ADCY1: variants seen among roughly 807,000 people sequenced by gnomAD.
ADCY1 encodes the protein adenylate cyclase 1.
ADCY1 carries 28 observed loss-of-function variants against 105.4 expected under a neutral mutation model. The observed-to-expected ratio is 0.27, with a 90% CI of 0.20 to 0.36. ADCY1 has a LOEUF of 0.36. Among genes scored for constraint, ADCY1 ranks in the 10% least tolerant of loss-of-function variants. The probability of loss-of-function intolerance (pLI) is 1.00; values close to 1 mark genes in which losing one functional copy is unlikely to be tolerated. For synonymous variants in ADCY1, 655 were observed against 623.8 expected, an observed-to-expected ratio of 1.05 and a Z score of -0.75; for missense variants, 977 against 1,434.2, an observed-to-expected ratio of 0.68 and a Z score of 5.15.
intron 11 of ADCY1, among the ~76,000 whole-genome samples, chr7:45,682,050 G>C (rs903021260): frequency 6.6e-6 from 1 of 152,182 alleles, no homozygotes; most frequent in Admixed American, 6.5e-5. Flanking sequence ...TGGGCCTCAG[G>C]GTTGCCCTCT....
At chr7:45,698,757 C>T (rs779672648) in intron 14 of ADCY1, among the ~76,000 whole-genome samples, 37 of 152,158 alleles carry the variant, frequency 2.4e-4, no homozygotes, top group Admixed American at 7.2e-4. Flanking sequence ...CTGAAGTGGC[C>T]GTGCAAAGCT....
intron 14 of ADCY1, among the ~76,000 whole-genome samples, chr7:45,691,883 CAT>C (rs1171226702): frequency 1.3e-5 from 2 of 152,312 alleles, no homozygotes; most frequent in African/African-American, 4.8e-5. Context: ...CTTCTCCACA[CAT>C]GTGACAGTGA....
In ADCY1 at chr7:45,722,109, A is replaced by C. The variant is rs1785486832; in HGVS notation, c.*8114A>C. ...AACCCCCCACCCAACTCTGGGCCCC[A>C]GGCACACGAAGCACAAGTCTCAGGG... On this transcript the variant is annotated 3_prime_UTR_variant, in exon 20 of 20. Coordinates refer to ENST00000297323, the MANE Select transcript of ADCY1 (RefSeq NM_021116.4). 3.1e-6 allele frequency: 1 copy of C among 326,220 alleles called. No individual in the cohort carries two copies. Among genetic ancestry groups the C allele is most frequent in the Non-Finnish European group, 5.6e-6 (1 of 179,932 alleles). 20.2% of individuals were successfully genotyped at this position (326,220 alleles called of 1,614,324 possible). A position where few individuals can be genotyped will look rare whatever the true frequency, so the allele number is the denominator to read the frequency against.
At position 45,661,495 on chromosome 7, in the gene ADCY1, C is replaced by G. The variant is rs529620137; in HGVS notation, c.1450-564C>G. Among the ~76,000 whole-genome samples the G allele has an allele frequency of 7.2e-5, 11 of 152,164 alleles. 1 individual carries two copies. The highest frequency in any genetic ancestry group is 2.2e-4 in the African/African-American group (9 of 41,498). On this transcript the variant is annotated intron_variant, in intron 7 of 19. Coordinates refer to ENST00000297323, the MANE Select transcript of ADCY1 (RefSeq NM_021116.4). ...GCAGGAACGATGACAGTGGAGCATT[C>G]ATGGGGTCCCACTTTCCTATCACCT...
chr7:45,705,194 G>C (rs1243349006), intron 17 of ADCY1, among the ~76,000 whole-genome samples: 2 of 152,110 alleles, frequency 1.3e-5, no homozygotes, highest in Admixed American at 6.5e-5. Flanking sequence ...GAAGACAGAA[G>C]CAGAAGGAAC....
In ADCY1 at chr7:45,703,424, C is replaced by T. The variant is rs1785039539; in HGVS notation, c.2503C>T (p.Arg835Cys). 3 of 1,614,020 alleles carry T rather than the reference C, an allele frequency of 1.9e-6. No homozygotes were observed. The highest frequency in any genetic ancestry group is 1.7e-6 in the Non-Finnish European group (2 of 1,179,976). Residue 835 changes from arginine (R) to cysteine (C), a missense_variant, in exon 15 of 20, where the codon CGC becomes TGC. Physicochemically the swap from Arg to Cys is radical, Grantham distance 180. Coordinates refer to ENST00000297323, the MANE Select transcript of ADCY1 (RefSeq NM_021116.4). The surrounding 1 kb of genome is among the most constrained non-coding windows in gnomAD (Gnocchi z 5.9). ...GGAGAAGGTGAAGCTGGACAACAGG[C>T]GCATCCTCTTCAACCTCCTGCCGGC... ...DMEKVKLDNR[R>C]ILFNLLPAHV... is the part of the protein sequence containing the mutation.
At chr7:45,629,443 A>C (rs980597222) in intron 4 of ADCY1, among the ~76,000 whole-genome samples, 2 of 151,498 alleles carry the variant, frequency 1.3e-5, no homozygotes, top group Admixed American at 1.3e-4. Context: ...ATGTATGGGT[A>C]TTCAGTTCTC....
chr7:45,663,882 T>C (rs751237020), intron 8 of ADCY1, among the ~76,000 whole-genome samples: 23 of 151,778 alleles, frequency 1.5e-4, no homozygotes, highest in Non-Finnish European at 3.4e-4. Flanking sequence ...AGATGCTCTG[T>C]ATGTGGGACC....
intron 3 of ADCY1, among the ~76,000 whole-genome samples, chr7:45,616,651 A>T (rs998651714): frequency 6.6e-6 from 1 of 152,194 alleles, no homozygotes; most frequent in Non-Finnish European, 1.5e-5. Context: ...AAATTAGGAT[A>T]AAAAATCCCC....
At chr7:45,692,629 A>G (rs1784805249) in intron 14 of ADCY1, among the ~76,000 whole-genome samples, 1 of 152,176 alleles carries the variant, frequency 6.6e-6, no homozygotes, top group Non-Finnish European at 1.5e-5. Context: ...AAATCAGTTC[A>G]TAATACTGTA....
At chr7:45,650,016 A>G (rs1794766049) in intron 5 of ADCY1, among the ~76,000 whole-genome samples, 1 of 152,210 alleles carries the variant, frequency 6.6e-6, no homozygotes, top group Non-Finnish European at 1.5e-5. Context: ...AAGGAAGGAA[A>G]GATGCCTGGC....
intron 3 of ADCY1, among the ~76,000 whole-genome samples, chr7:45,610,777 T>G (rs1339487705): frequency 1.9e-4 from 25 of 130,666 alleles, no homozygotes; most frequent in Middle Eastern, 4.2e-3. Flanking sequence ...ATAGTGGAGG[T>G]GTGGGGGTGA....
intron 1 of ADCY1, among the ~76,000 whole-genome samples, chr7:45,587,459 A>G (rs1792764677): frequency 6.6e-6 from 1 of 152,156 alleles, no homozygotes; most frequent in Non-Finnish European, 1.5e-5. Context: ...AGTTGGTGGC[A>G]TAGGGCTGTC....
At chr7:45,606,970 G>T (rs535488699) in intron 2 of ADCY1, among the ~76,000 whole-genome samples, 18 of 150,946 alleles carry the variant, frequency 1.2e-4, no homozygotes, top group Non-Finnish European at 4.4e-5. Context: ...TGAATTTCAC[G>T]TGGAATCTTT....
intron 2 of ADCY1, among the ~76,000 whole-genome samples, chr7:45,601,592 AT>A (rs1220717375): frequency 6.6e-6 from 1 of 152,002 alleles, no homozygotes; most frequent in Non-Finnish European, 1.5e-5. Context: ...TTGTGGAGCA[AT>A]GGCTGGTAGA....
intron 14 of ADCY1, among the ~76,000 whole-genome samples, chr7:45,689,578 G>A (rs568090346): frequency 1.1e-4 from 17 of 152,290 alleles, no homozygotes; most frequent in African/African-American, 4.1e-4. Context: ...ATAGCACCAA[G>A]CCATGAGGTA....
chr7:45,580,433 C>T (rs1450321470), intron 1 of ADCY1, among the ~76,000 whole-genome samples: 3 of 152,216 alleles, frequency 2.0e-5, no homozygotes, highest in East Asian at 1.9e-4. Context: ...CATGACCCCA[C>T]GGTGTTTAGG....
chr7:45,698,615 C>G (rs1391951802), intron 14 of ADCY1, among the ~76,000 whole-genome samples: 4 of 152,160 alleles, frequency 2.6e-5, no homozygotes, highest in Non-Finnish European at 4.4e-5. Flanking sequence ...GCCGGGGGCC[C>G]TGGTGTTCAG....
At chr7:45,675,815 TTTGA>T (rs1395691766) in intron 8 of ADCY1, among the ~76,000 whole-genome samples, 3 of 152,190 alleles carry the variant, frequency 2.0e-5, no homozygotes, top group Admixed American at 1.3e-4. Context: ...TTCTTGGAAG[TTTGA>T]TTGTGATGTG....
Sources: allele counts gnomAD v4.1 joint callset (sites outside exome capture counted in the v4.1 genomes callset), GRCh38; gene constraint gnomAD v4.1.1; non-coding constraint Gnocchi (gnomAD v3.1); transcripts MANE v1.5; gene names NCBI Gene and HGNC (gene_info 2026-07-23, HGNC 2026-07-21).